Variants in DSCAM observed in about 807,000 individuals in gnomAD.
DSCAM encodes cell adhesion molecule DSCAM.
DSCAM carries 47 observed loss-of-function variants against 217.7 expected under a neutral mutation model. The observed-to-expected ratio is 0.22, with a 90% CI of 0.17 to 0.28. The LOEUF (loss-of-function observed/expected upper bound fraction) is 0.28, where lower values mean the gene tolerates loss of function less well. Among genes scored for constraint, DSCAM ranks in the 10% least tolerant of loss-of-function variants. The probability of loss-of-function intolerance (pLI) is 1.00; values close to 1 mark genes in which losing one functional copy is unlikely to be tolerated. For missense variants in DSCAM, 2,080 were observed against 2,618.3 expected (o/e 0.79, Z 4.49); for synonymous variants, 1,056 against 1,015.3 (o/e 1.04, Z -0.76).
intron 30 of DSCAM, among the ~76,000 whole-genome samples, chr21:40,045,466 G>A (rs530594774): frequency 4.6e-5 from 7 of 152,316 alleles, no homozygotes; most frequent in Middle Eastern, 3.4e-3. Context: ...GCAAGTCTAT[G>A]GGGTGGACGG....
Position 40,347,302 on chromosome 21 carries a change from A to C in DSCAM, c.1210+368T>G, listed in dbSNP as rs559578205. On this transcript the variant is annotated intron_variant, in intron 6 of 32. Transcript: ENST00000400454. ...AGCAAGTGTGAAACTCCATCTCAAA[A>C]AAAAAAAAAAAAAAATTCCCCAAGC... Among the ~76,000 whole-genome samples, 60 of 151,770 alleles carry C rather than the reference A, an allele frequency of 4.0e-4. 1 individual carries two copies. The highest frequency in any genetic ancestry group is 7.7e-4 in the Non-Finnish European group (52 of 67,854).
At chr21:40,087,128 T>C in intron 22 of DSCAM, 42 bp downstream of exon 22, 1 of 1,391,548 alleles carries the variant, frequency 7.2e-7, no homozygotes, top group Non-Finnish European at 1.0e-6. Context: ...AGATGTAATC[T>C]CTTAGAGTCT....
chr21:40,333,762 A>G (rs886080369), intron 8 of DSCAM, among the ~76,000 whole-genome samples: 5 of 152,204 alleles, frequency 3.3e-5, no homozygotes, highest in Non-Finnish European at 7.3e-5. Context: ...GAAGTAGTTC[A>G]CCACAGTCTT....
intron 27 of DSCAM, among the ~76,000 whole-genome samples, chr21:40,067,755 TCCCTCCCTCCCTC>T: frequency 1.2e-4 from 5 of 41,788 alleles, no homozygotes; most frequent in Non-Finnish European, 2.1e-4. Context: ...CCTCCCTCCC[TCCCTCCCTCCCTC>T]CCTCCCTTCC....
chr21:40,242,971 G>A (rs1003241040), intron 11 of DSCAM, among the ~76,000 whole-genome samples: 2 of 152,164 alleles, frequency 1.3e-5, no homozygotes, highest in East Asian at 3.8e-4. Context: ...CCTTGAAGGT[G>A]ACCCCTTATT....
At chr21:40,040,917 C>CCAA (rs1474761711) in intron 32 of DSCAM, among the ~76,000 whole-genome samples, 1 of 131,910 alleles carries the variant, frequency 7.6e-6, no homozygotes, top group Non-Finnish European at 1.6e-5. Flanking sequence ...CAAATAAATG[C>CCAA]CAACAACACG....
At chr21:40,018,911 T>C (rs1284133734) in intron 32 of DSCAM, among the ~76,000 whole-genome samples, 3 of 152,264 alleles carry the variant, frequency 2.0e-5, no homozygotes, top group South Asian at 2.1e-4. Flanking sequence ...GGCAAAGCTC[T>C]ACAAAGTTGT....
chr21:40,534,622 A>G (rs1169829721), intron 3 of DSCAM, among the ~76,000 whole-genome samples: 1 of 151,460 alleles, frequency 6.6e-6, no homozygotes, highest in Non-Finnish European at 1.5e-5. Context: ...ATTTTTATGA[A>G]CATATTTCTT....
At position 40,141,582 on chromosome 21, in the gene DSCAM, C is replaced by T. The variant is rs2090290824; in HGVS notation, c.3406+976G>A. ...GCAGTGAGCTGAGATCGTGCCACTG[C>T]ACTCCAGCCTGGGTGACAGAGGGAG... On this transcript the variant is annotated intron_variant, in intron 18 of 32. Coordinates refer to ENST00000400454, the MANE Select transcript of DSCAM (RefSeq NM_001389.5). 2.0e-5 allele frequency among the ~76,000 whole-genome samples: 3 copies of T among 152,248 alleles called. No individual in the cohort carries two copies. In the South Asian group the frequency reaches 6.2e-4, roughly 32 times the overall value.
chr21:40,168,849 C>G (rs973184982), intron 15 of DSCAM, among the ~76,000 whole-genome samples: 1 of 152,174 alleles, frequency 6.6e-6, no homozygotes, highest in East Asian at 1.9e-4. Flanking sequence ...CTGGTTCTAT[C>G]ACTTGTTGGC....
chr21:40,760,426 C>T (rs1322985005), intron 1 of DSCAM, among the ~76,000 whole-genome samples: 2 of 152,186 alleles, frequency 1.3e-5, no homozygotes, highest in Admixed American at 6.5e-5. Context: ...GTGACGTTAG[C>T]TTGCACAGGA....
chr21:40,299,823 T>G (rs930428099), intron 9 of DSCAM, among the ~76,000 whole-genome samples: 6 of 152,150 alleles, frequency 3.9e-5, no homozygotes, highest in South Asian at 2.1e-4. Context: ...TTTTAAAAAG[T>G]GCAGATATTT....
In DSCAM at chr21:40,496,926, T is replaced by C. The variant is rs2076123182; in HGVS notation, c.509-127681A>G. ...CATTAATCATCAGCAAAATGGAAAT[T>C]AAAACCACAATGAGATGTCACCTCA... On this transcript the variant is annotated intron_variant, in intron 3 of 32. Transcript: ENST00000400454. Among the ~76,000 whole-genome samples, 3 of 152,086 alleles carry C rather than the reference T, an allele frequency of 2.0e-5. No individual in the cohort carries two copies. The East Asian group carries it at 5.8e-4, about 29-fold the overall frequency.
chr21:40,790,002 A>G (rs1269547404), intron 1 of DSCAM, among the ~76,000 whole-genome samples: 2 of 152,044 alleles, frequency 1.3e-5, no homozygotes, highest in African/African-American at 2.4e-5. Context: ...TAGCGGAAAT[A>G]GGTCTTGTTT....
chr21:40,286,175 G>C (rs2073821403), intron 10 of DSCAM, among the ~76,000 whole-genome samples: 1 of 152,160 alleles, frequency 6.6e-6, no homozygotes, highest in South Asian at 2.1e-4. Context: ...TCCACACTAA[G>C]AGGATTAAGA....
At chr21:40,229,251 A>C (rs373325222) in intron 11 of DSCAM, among the ~76,000 whole-genome samples, 23 of 152,368 alleles carry the variant, frequency 1.5e-4, no homozygotes, top group South Asian at 1.0e-3. Context: ...TCAGCATCCA[A>C]TTAGTAAAGT....
At chr21:40,317,031 G>A (rs2074204875) in intron 8 of DSCAM, among the ~76,000 whole-genome samples, 1 of 152,148 alleles carries the variant, frequency 6.6e-6, no homozygotes, top group Non-Finnish European at 1.5e-5. Context: ...ATCTCTTCAT[G>A]TGTAACGAGG....
intron 1 of DSCAM, among the ~76,000 whole-genome samples, chr21:40,726,017 AC>A (rs2146516265): frequency 6.6e-6 from 1 of 152,358 alleles, no homozygotes; most frequent in South Asian, 2.1e-4. Context: ...TAGGTGAGAA[AC>A]AAAAAGAATT....
chr21:40,080,062 G>T, intron 25 of DSCAM, 90 bp downstream of exon 25: 6 of 1,218,202 alleles, frequency 4.9e-6, no homozygotes, highest in Non-Finnish European at 6.8e-6. Context: ...ACACATAAAC[G>T]TAAAACATGA....
Sources: allele counts gnomAD v4.1 joint callset (sites outside exome capture counted in the v4.1 genomes callset), GRCh38; gene constraint gnomAD v4.1.1; transcripts MANE v1.5; gene names NCBI Gene and HGNC (gene_info 2026-07-23, HGNC 2026-07-21).